MCTP2: variants seen among roughly 807,000 people sequenced by gnomAD.
MCTP2 encodes the protein multiple C2 and transmembrane domain-containing protein 2.
A neutral mutation model predicts 111.6 loss-of-function variants in MCTP2; 132 were observed. The ratio of observed to expected loss-of-function variants is 1.18; its 90% CI spans 1.03 to 1.37. The LOEUF (loss-of-function observed/expected upper bound fraction) is 1.37. Ranked by LOEUF, MCTP2 falls within the 40% of genes most tolerant of loss-of-function variation. MCTP2 has a pLI of 0.00. For missense variants in MCTP2, 1,183 were observed against 1,067.9 expected, an observed-to-expected ratio of 1.11 and a Z score of -1.50; for synonymous variants, 395 against 387.7, an observed-to-expected ratio of 1.02 and a Z score of -0.22.
chr15:94,476,874 T>C, intron 22 of MCTP2, 81 bp downstream of exon 22: 1 of 807,984 alleles, frequency 1.2e-6, no homozygotes, highest in South Asian at 1.5e-5. Context: ...CACAAGGCTT[T>C]GCTTGTGTGA....
intron 14 of MCTP2, among the ~76,000 whole-genome samples, chr15:94,395,665 A>G (rs981435369): frequency 2.0e-5 from 3 of 152,160 alleles, no homozygotes; most frequent in Non-Finnish European, 2.9e-5. Flanking sequence ...TTACCAACCA[A>G]CTTCTAAAAA....
intron 1 of MCTP2, among the ~76,000 whole-genome samples, chr15:94,242,201 A>T (rs1308618813): frequency 6.6e-6 from 1 of 152,128 alleles, no homozygotes; most frequent in Non-Finnish European, 1.5e-5. Context: ...TTGAATTCAG[A>T]CAAACCCCAG....
intron 1 of MCTP2, among the ~76,000 whole-genome samples, chr15:94,257,604 T>A (rs1373452723): frequency 1.3e-4 from 15 of 117,642 alleles, no homozygotes; most frequent in South Asian, 3.0e-4. Context: ...TTTTTTTTTT[T>A]GAGACGGAGT....
At chr15:94,455,880 C>T (rs977843305) in intron 19 of MCTP2, among the ~76,000 whole-genome samples, 7 of 152,030 alleles carry the variant, frequency 4.6e-5, no homozygotes, top group African/African-American at 1.7e-4. Context: ...ATCCTGACAT[C>T]GGTATATAGA....
chr15:94,245,511 C>T lies in MCTP2; in HGVS notation c.-66+13847C>T, dbSNP rs1262464189. Among the ~76,000 whole-genome samples, 5 of 136,274 alleles carry T rather than the reference C, an allele frequency of 3.7e-5. No individual in the cohort carries two copies. The South Asian group carries it at 9.1e-4, about 25-fold the overall frequency. 89.4% of individuals were successfully genotyped at this position (136,274 alleles called of 152,430 possible). Reference sequence around the variant, plus strand: ...ACATGTATGTATTTATATATGTATACATATATGTATATATTTATATACATA... The same window carrying T: ...ACATGTATGTATTTATATATGTATATATATATGTATATATTTATATACATA... On this transcript the variant is annotated intron_variant, in intron 1 of 22. Transcript: ENST00000357742.
intron 1 of MCTP2, among the ~76,000 whole-genome samples, chr15:94,245,854 C>T (rs868231791): frequency 5.3e-5 from 8 of 151,550 alleles, no homozygotes; most frequent in African/African-American, 1.5e-4. Context: ...TATTGATCAG[C>T]TATGATTTCA....
intron 17 of MCTP2, among the ~76,000 whole-genome samples, chr15:94,435,231 T>C (rs995418024): frequency 1.3e-5 from 2 of 152,206 alleles, no homozygotes; most frequent in Non-Finnish European, 2.9e-5. Context: ...CTTGAATCTG[T>C]AGGTCAATTT....
chr15:94,348,367 C>G (rs949722387), intron 8 of MCTP2, among the ~76,000 whole-genome samples: 20 of 128,166 alleles, frequency 1.6e-4, no homozygotes, highest in African/African-American at 5.7e-4. Flanking sequence ...CTCCATCCCC[C>G]TTCTCTCTCT....
intron 14 of MCTP2, among the ~76,000 whole-genome samples, chr15:94,388,298 C>G (rs544183519): frequency 6.6e-6 from 1 of 152,296 alleles, no homozygotes; most frequent in East Asian, 1.9e-4. Flanking sequence ...GCATGGTGCA[C>G]TCAGTAAGAT....
chr15:94,302,736 A>T (rs1252275133), intron 2 of MCTP2, among the ~76,000 whole-genome samples: 1 of 152,170 alleles, frequency 6.6e-6, no homozygotes, highest in Non-Finnish European at 1.5e-5. Context: ...CAAGCCAAAC[A>T]TCTGTGAATA....
intron 17 of MCTP2, among the ~76,000 whole-genome samples, chr15:94,436,436 T>C (rs2083481107): frequency 6.6e-6 from 1 of 152,224 alleles, no homozygotes; most frequent in South Asian, 2.1e-4. Flanking sequence ...AAATCAGTTC[T>C]TTACTACAGA....
At chr15:94,306,028 AT>A (rs1260773308) in intron 2 of MCTP2, among the ~76,000 whole-genome samples, 1 of 152,160 alleles carries the variant, frequency 6.6e-6, no homozygotes, top group Non-Finnish European at 1.5e-5. Context: ...GTAGGTATTG[AT>A]GGTGAAATTG....
In MCTP2 at chr15:94,298,203, G is replaced by T; in HGVS notation, c.-63G>T. The T allele has an allele frequency of 2.5e-6, 3 of 1,205,426 alleles. No individual in the cohort carries two copies. The highest frequency in any genetic ancestry group is 3.4e-6 in the Non-Finnish European group (3 of 875,046). 74.7% of individuals were successfully genotyped at this position (1,205,426 alleles called of 1,614,324 possible). On this transcript the variant is annotated splice_region_variant and 5_prime_UTR_variant, in exon 2 of 23. Transcript: ENST00000357742. ...TGTTGTTTTTTTCTGTTTTATAGGA[G>T]TCATTGCAGTTTTCAGTAGAGGTGT...
At chr15:94,418,572 A>G (rs2082479590) in intron 17 of MCTP2, among the ~76,000 whole-genome samples, 1 of 152,126 alleles carries the variant, frequency 6.6e-6, no homozygotes, top group Non-Finnish European at 1.5e-5. Context: ...AGTGCAGCAC[A>G]TTAGATGCTT....
chr15:94,312,711 C>G (rs1035190215), intron 2 of MCTP2, among the ~76,000 whole-genome samples: 1 of 152,196 alleles, frequency 6.6e-6, no homozygotes, highest in Non-Finnish European at 1.5e-5. Context: ...TTTGTCCTAG[C>G]CCCATGAGGC....
At chr15:94,299,037 C>G (rs927753710) in intron 2 of MCTP2, among the ~76,000 whole-genome samples, 2 of 132,086 alleles carry the variant, frequency 1.5e-5, no homozygotes, top group Non-Finnish European at 3.2e-5. Context: ...CTCCCTCCCC[C>G]TCCCCCTTCC....
chr15:94,312,828 C>G (rs563038785), intron 2 of MCTP2, among the ~76,000 whole-genome samples: 6 of 152,154 alleles, frequency 3.9e-5, no homozygotes, highest in Admixed American at 6.5e-5. Flanking sequence ...GTTTGCAGCT[C>G]CTCACCATTT....
intron 1 of MCTP2, among the ~76,000 whole-genome samples, chr15:94,283,921 A>C (rs1054518612): frequency 6.6e-5 from 10 of 152,208 alleles, no homozygotes; most frequent in Non-Finnish European, 1.0e-4. Context: ...GGCACCATAT[A>C]AAGTTTTTTA....
chr15:94,416,805 C>A (rs778114546), intron 17 of MCTP2, among the ~76,000 whole-genome samples: 1 of 152,044 alleles, frequency 6.6e-6, no homozygotes, highest in Non-Finnish European at 1.5e-5. Context: ...TGGAATTCAC[C>A]AAAAGGAGGT....
Sources: allele counts gnomAD v4.1 joint callset (sites outside exome capture counted in the v4.1 genomes callset), GRCh38; gene constraint gnomAD v4.1.1; transcripts MANE v1.5; gene names NCBI Gene and HGNC (gene_info 2026-07-23, HGNC 2026-07-21).